The following RBFOX1 variants were observed in gnomAD, a reference collection of about 807,000 sequenced individuals.
RBFOX1 encodes RNA binding protein fox-1 homolog 1.
RBFOX1 carries 8 observed loss-of-function variants against 57.7 expected under a neutral mutation model. That is an observed-to-expected ratio of 0.14 (90% CI 0.08 to 0.25). RBFOX1 has a LOEUF of 0.25. RBFOX1 is among the 10% of genes least tolerant of loss of function. The probability of loss-of-function intolerance (pLI) is 1.00; values close to 1 mark genes in which losing one functional copy is unlikely to be tolerated. For synonymous variants in RBFOX1, 326 were observed against 222.4 expected (o/e 1.47, Z -4.15); for missense variants, 611 against 548.5 (o/e 1.11, Z -1.14).
chr16:6,101,562 C>T (rs568415545), intron 1 of RBFOX1, among the ~76,000 whole-genome samples: 1 of 152,128 alleles, frequency 6.6e-6, no homozygotes, highest in African/African-American at 2.4e-5. Context: ...TCTTGGCACA[C>T]TGCAACCTCC....
chr16:6,842,291 ACTTT>A (rs761147033), intron 3 of RBFOX1, among the ~76,000 whole-genome samples: 64 of 150,818 alleles, frequency 4.2e-4, no homozygotes, highest in Non-Finnish European at 7.6e-4. Flanking sequence ...AATAAAAACA[ACTTT>A]CTTAATTATT....
At chr16:6,262,035 A>AC (rs1220438778) in intron 1 of RBFOX1, among the ~76,000 whole-genome samples, 1 of 151,960 alleles carries the variant, frequency 6.6e-6, no homozygotes, top group African/African-American at 2.4e-5. Flanking sequence ...TCTCAGAAAA[A>AC]CAAAAAAAAA....
At chr16:6,219,584 A>G (rs1182630828) in intron 1 of RBFOX1, among the ~76,000 whole-genome samples, 1 of 151,956 alleles carries the variant, frequency 6.6e-6, no homozygotes, top group Admixed American at 6.6e-5. Context: ...TATCTGTAAA[A>G]TGAGAATAGG....
chr16:6,715,821 G>C (rs2064697040), intron 3 of RBFOX1, among the ~76,000 whole-genome samples: 1 of 152,158 alleles, frequency 6.6e-6, no homozygotes, highest in Non-Finnish European at 1.5e-5. Context: ...AAAATATTGT[G>C]TTTCTTGAGA....
At chr16:6,047,733 T>G (rs1178154108) in intron 1 of RBFOX1, among the ~76,000 whole-genome samples, 3 of 152,226 alleles carry the variant, frequency 2.0e-5, no homozygotes, top group Non-Finnish European at 4.4e-5. Flanking sequence ...CCACTCTTCC[T>G]GTATTGACTA....
chr16:6,051,188 C>A (rs1234608163), intron 1 of RBFOX1, among the ~76,000 whole-genome samples: 2 of 151,610 alleles, frequency 1.3e-5, no homozygotes, highest in Non-Finnish European at 2.9e-5. Flanking sequence ...GGATCATAAC[C>A]TGGGTACTAG....
chr16:6,427,374 A>G (rs1204429182), intron 2 of RBFOX1, among the ~76,000 whole-genome samples: 1 of 152,212 alleles, frequency 6.6e-6, no homozygotes, highest in Non-Finnish European at 1.5e-5. Context: ...AACGGTTCCC[A>G]CATTGTTGAA....
In RBFOX1 at chr16:5,716,506, A is replaced by G. The variant is rs2051704807; in HGVS notation, c.318+117545A>G. Among the ~76,000 whole-genome samples, 5 of 152,368 alleles carry G rather than the reference A, an allele frequency of 3.3e-5. No homozygotes were observed. In the South Asian group the frequency reaches 1.0e-3, roughly 32 times the overall value. ...AAATGCAAATCAAAACTGCAATTAG[A>G]TACCATCTCACACCAGTCAGAGTGG... On this transcript the variant is annotated intron_variant, in intron 3 of 19. Coordinates refer to the RBFOX1 transcript ENST00000641259.
intron 4 of RBFOX1, among the ~76,000 whole-genome samples, chr16:7,209,114 G>T (rs953091531): frequency 3.3e-5 from 5 of 150,976 alleles, no homozygotes; most frequent in African/African-American, 1.2e-4. Context: ...GGCCAACGTG[G>T]TGAAACTCTG....
At chr16:5,845,576 C>A (rs928601273) in intron 3 of RBFOX1, among the ~76,000 whole-genome samples, 2 of 152,150 alleles carry the variant, frequency 1.3e-5, no homozygotes, top group East Asian at 3.8e-4. Flanking sequence ...GGCAGGTGGC[C>A]GAGCTTCTTC....
chr16:7,098,333 C>T (rs2062044575), intron 4 of RBFOX1, among the ~76,000 whole-genome samples: 1 of 152,140 alleles, frequency 6.6e-6, no homozygotes, highest in Non-Finnish European at 1.5e-5. Flanking sequence ...CCATGCCTGG[C>T]TAATTTTTAT....
rs7194330 is a variant in RBFOX1, at chr16:5,681,655, G to C, written c.318+82694G>C. ...TGATCCACCCACCTCAGCCTCCCAAGGTGCTGGGATTACAAGCTTGAGCCA... is the reference window on the plus strand; with the variant it reads ...TGATCCACCCACCTCAGCCTCCCAACGTGCTGGGATTACAAGCTTGAGCCA... On this transcript the variant is annotated intron_variant, in intron 3 of 19. Coordinates refer to the RBFOX1 transcript ENST00000641259. Among the ~76,000 whole-genome samples, 268 of 152,064 alleles carry C rather than the reference G, an allele frequency of 1.8e-3. 1 individual carries two copies. Among genetic ancestry groups the C allele is most frequent in the African/African-American group, 6.1e-3 (254 of 41,486 alleles).
At position 7,123,128 on chromosome 16, in the gene RBFOX1, G is replaced by A. The variant is rs924272068; in HGVS notation, c.27+71030G>A. Among the ~76,000 whole-genome samples the A allele has an allele frequency of 9.2e-5, 14 of 152,048 alleles. No individual in the cohort carries two copies. In the South Asian group the frequency reaches 1.0e-3, roughly 11 times the overall value. ...TCTTCTGCTTCCTAATTGCACAGCC[G>A]TTATAAGAATCTGTAAATTATGTTA... On this transcript the variant is annotated intron_variant, in intron 4 of 15. Transcript: ENST00000550418.
rs537934078 is a variant in RBFOX1, at chr16:6,971,598, A to T, written c.-15-80459A>T. Reference sequence around the variant, plus strand: ...TTATTAAAAGATCACCAGCTGTTACATGGAATATGGTGTACTGATTGGGGG... The same window carrying T: ...TTATTAAAAGATCACCAGCTGTTACTTGGAATATGGTGTACTGATTGGGGG... On this transcript the variant is annotated intron_variant, in intron 3 of 15. Coordinates refer to ENST00000550418, the MANE Select transcript of RBFOX1 (RefSeq NM_018723.4). Among the ~76,000 whole-genome samples, 274 of 152,246 alleles carry T rather than the reference A, an allele frequency of 1.8e-3. 2 individuals are homozygous for T. The highest frequency in any genetic ancestry group is 6.5e-3 in the African/African-American group (272 of 41,560).
chr16:7,560,615 C>T (rs1268915874), intron 5 of RBFOX1, among the ~76,000 whole-genome samples: 1 of 151,900 alleles, frequency 6.6e-6, no homozygotes, highest in Non-Finnish European at 1.5e-5. Flanking sequence ...CTCTATGGCC[C>T]AAGAAAAGAG....
chr16:6,235,720 G>T (rs761568615), intron 1 of RBFOX1, among the ~76,000 whole-genome samples: 2 of 152,060 alleles, frequency 1.3e-5, no homozygotes, highest in Non-Finnish European at 2.9e-5. Context: ...ATCTGAATGA[G>T]ATTGGAGACT....
intron 4 of RBFOX1, among the ~76,000 whole-genome samples, chr16:7,235,620 G>A (rs946953011): frequency 3.3e-5 from 5 of 152,136 alleles, no homozygotes; most frequent in Non-Finnish European, 7.4e-5. Flanking sequence ...CCATATCTTG[G>A]GATGAATTAG....
At chr16:6,496,616 C>T (rs902598229) in intron 2 of RBFOX1, among the ~76,000 whole-genome samples, 1 of 152,116 alleles carries the variant, frequency 6.6e-6, no homozygotes, top group Admixed American at 6.5e-5. Context: ...AAGCAAGTTG[C>T]CCCAAGCGAA....
intron 3 of RBFOX1, among the ~76,000 whole-genome samples, chr16:7,031,414 G>GGT (rs2042757464): frequency 6.6e-6 from 1 of 151,986 alleles, no homozygotes; most frequent in African/African-American, 2.4e-5. Flanking sequence ...TGGCTAACAT[G>GGT]GTGAAACCCC....
Sources: gnomAD v4.1 joint callset for allele counts (sites outside exome capture counted in the v4.1 genomes callset) on GRCh38, gnomAD v4.1.1 for gene constraint, MANE v1.5 for transcripts, NCBI Gene and HGNC (gene_info 2026-07-23, HGNC 2026-07-21) for gene names.